CBLB: variants seen among roughly 807,000 people sequenced by gnomAD.
CBLB encodes the protein Cbl proto-oncogene B, also known as E3 ubiquitin-protein ligase CBL-B.
Under a neutral mutation model 104.9 loss-of-function variants are expected in CBLB, and 31 were observed. That is an observed-to-expected ratio of 0.30 (90% confidence interval 0.22 to 0.40). The LOEUF (loss-of-function observed/expected upper bound fraction) is 0.40. Ranked by LOEUF, CBLB falls within the 10% of genes least tolerant of loss-of-function variation. The pLI is 1.00. For missense variants in CBLB, 1,062 were observed against 1,214.6 expected, an observed-to-expected ratio of 0.87 and a Z score of 1.87; for synonymous variants, 440 against 422.6, an observed-to-expected ratio of 1.04 and a Z score of -0.51.
chr3:105,847,475 T>C lies in CBLB; in HGVS notation c.419+5939A>G, dbSNP rs370995985. Among the ~76,000 whole-genome samples the C allele has an allele frequency of 2.6e-4, 39 of 151,756 alleles. 1 individual carries two copies. In the East Asian group the frequency reaches 6.8e-3, roughly 26 times the overall value. ...TTCTACAACACTGGTTATTAAGGCATGATTCAAAGGCTCTGAAATGACATT... is the reference window on the plus strand; with the variant it reads ...TTCTACAACACTGGTTATTAAGGCACGATTCAAAGGCTCTGAAATGACATT... On this transcript the variant is annotated intron_variant, in intron 3 of 18. Coordinates refer to ENST00000394030, the MANE Select transcript of CBLB (RefSeq NM_170662.5).
rs567654023 is a variant in CBLB, at chr3:105,736,578, G to A, written c.1071+593C>T. On this transcript the variant is annotated intron_variant, in intron 8 of 18. Transcript: ENST00000394030. ...AGTTCTTAGTATTTTGTAATTTTTC[G>A]CTTTTACAAAAAATATTACAGTAAA... Among the ~76,000 whole-genome samples, 75 of 151,820 alleles carry A rather than the reference G, an allele frequency of 4.9e-4. 1 individual carries two copies. The South Asian group carries it at 0.014, about 27-fold the overall frequency.
At chr3:105,816,449 T>C (rs925504599) in intron 3 of CBLB, among the ~76,000 whole-genome samples, 3 of 152,200 alleles carry the variant, frequency 2.0e-5, no homozygotes, top group East Asian at 3.8e-4. Flanking sequence ...GCTTGATTTT[T>C]GCAATGTTAA....
chr3:105,715,873 T>C, intron 10 of CBLB, among the ~76,000 whole-genome samples: 1 of 152,074 alleles, frequency 6.6e-6, no homozygotes, highest in East Asian at 1.9e-4. Flanking sequence ...ACCCTGTCTC[T>C]ACTAAAAATA....
intron 3 of CBLB, among the ~76,000 whole-genome samples, chr3:105,805,830 CATTA>C (rs1205934573): frequency 6.6e-6 from 1 of 150,996 alleles, no homozygotes; most frequent in Non-Finnish European, 1.5e-5. Context: ...AGTAGTAGGA[CATTA>C]ATTCTTTTAT....
At chr3:105,796,030 G>T (rs1359454756) in intron 3 of CBLB, among the ~76,000 whole-genome samples, 1 of 151,900 alleles carries the variant, frequency 6.6e-6, no homozygotes, top group Non-Finnish European at 1.5e-5. Flanking sequence ...CCAACACCGT[G>T]ATTTTTTAAA....
intron 3 of CBLB, among the ~76,000 whole-genome samples, chr3:105,843,965 A>C: frequency 6.6e-6 from 1 of 152,206 alleles, no homozygotes; most frequent in Non-Finnish European, 1.5e-5. Flanking sequence ...CCTACCTGTC[A>C]ATATGACCTT....
chr3:105,774,336 T>C (rs1038894247), intron 4 of CBLB, among the ~76,000 whole-genome samples: 1 of 152,144 alleles, frequency 6.6e-6, no homozygotes, highest in African/African-American at 2.4e-5. Context: ...TGTCCATTCA[T>C]TCAATAAAAT....
chr3:105,827,254 C>A (rs1262251081), intron 3 of CBLB, among the ~76,000 whole-genome samples: 1 of 152,108 alleles, frequency 6.6e-6, no homozygotes, highest in Non-Finnish European at 1.5e-5. Context: ...AAGTAACCTT[C>A]TGGACTGAAA....
At chr3:105,718,898 C>CA (rs1425570105) in intron 10 of CBLB, among the ~76,000 whole-genome samples, 1 of 152,124 alleles carries the variant, frequency 6.6e-6, no homozygotes, top group African/African-American at 2.4e-5. Context: ...GCCTGATATC[C>CA]AAGAGTCTAC....
intron 18 of CBLB, among the ~76,000 whole-genome samples, chr3:105,669,104 C>CCATCCATG (rs1491330876): frequency 6.7e-6 from 1 of 150,156 alleles, no homozygotes; most frequent in South Asian, 2.1e-4. Context: ...ATCCATCCAT[C>CCATCCATG]CCCAACTATC....
chr3:105,853,888 G>C (rs921938732), intron 2 of CBLB, among the ~76,000 whole-genome samples: 1 of 151,574 alleles, frequency 6.6e-6, no homozygotes, highest in African/African-American at 2.4e-5. Flanking sequence ...TCCTTATTTT[G>C]AACCTCTAAA....
chr3:105,780,666 T>TG (rs1553789062), intron 3 of CBLB, among the ~76,000 whole-genome samples: 15 of 122,776 alleles, frequency 1.2e-4, no homozygotes, highest in African/African-American at 2.4e-4. Context: ...TTTTGTTTTT[T>TG]TTTTTTTTTT....
chr3:105,859,637 T>C (rs1407236300), intron 2 of CBLB, among the ~76,000 whole-genome samples: 1 of 125,546 alleles, frequency 8.0e-6, no homozygotes, highest in Non-Finnish European at 1.6e-5. Flanking sequence ...CACTCCAACC[T>C]GGGCCACAGA....
intron 3 of CBLB, among the ~76,000 whole-genome samples, chr3:105,815,538 CA>C (rs1007022319): frequency 1.3e-5 from 2 of 152,098 alleles, no homozygotes; most frequent in African/African-American, 4.8e-5. Context: ...ACTAAAAAGT[CA>C]GGAAAAAACA....
At chr3:105,784,167 T>G (rs560902321) in intron 3 of CBLB, among the ~76,000 whole-genome samples, 1 of 152,208 alleles carries the variant, frequency 6.6e-6, no homozygotes, top group Non-Finnish European at 1.5e-5. Flanking sequence ...TGAACTTCTT[T>G]TGATGAAACC....
rs1461075865 is a variant in CBLB at position 105,829,648 on chromosome 3, G to A, written c.419+23766C>T. Among the ~76,000 whole-genome samples, 10 of 102,978 alleles carry A rather than the reference G, an allele frequency of 9.7e-5. No homozygotes were observed. In the East Asian group the frequency reaches 1.0e-3, roughly 10 times the overall value. The allele number at this position is 102,978 out of a possible 152,430, so 67.6% of individuals were successfully genotyped here. On this transcript the variant is annotated intron_variant, in intron 3 of 18. Transcript: ENST00000394030. Reference sequence around the variant, plus strand: ...CATGCCACCACACCATAGCCAGAGCGACACAGCAAGACCGTCCCAAAAAAA... The same window carrying A: ...CATGCCACCACACCATAGCCAGAGCAACACAGCAAGACCGTCCCAAAAAAA...
rs886925443 is a variant in CBLB, at chr3:105,658,287, C to T, written c.*683G>A. On this transcript the variant is annotated 3_prime_UTR_variant, in exon 19 of 19. Transcript: ENST00000394030. ...CTCTATGTTATGTGAAAACCCCTTA[C>T]AAAAGGCAGTTTATTGACAAATAAA... The T allele has an allele frequency of 9.1e-6, 2 of 220,406 alleles. No homozygotes were observed. The highest frequency in any genetic ancestry group is 1.8e-5 in the Non-Finnish European group (2 of 109,826). The allele number at this position is 220,406 out of a possible 1,614,324, so 13.7% of individuals were successfully genotyped here.
intron 3 of CBLB, among the ~76,000 whole-genome samples, chr3:105,851,671 A>G (rs548963408): frequency 2.6e-5 from 4 of 152,342 alleles, no homozygotes; most frequent in African/African-American, 9.6e-5. Flanking sequence ...TAAACCTAAA[A>G]TGACTCTGAA....
At chr3:105,843,085 T>G (rs938436033) in intron 3 of CBLB, among the ~76,000 whole-genome samples, 3 of 152,234 alleles carry the variant, frequency 2.0e-5, no homozygotes, top group African/African-American at 7.2e-5. Flanking sequence ...TGTCTATGTC[T>G]GCTTTCCTAG....
Sources: gnomAD v4.1 joint callset for allele counts (sites outside exome capture counted in the v4.1 genomes callset) on GRCh38, gnomAD v4.1.1 for gene constraint, MANE v1.5 for transcripts, NCBI Gene and HGNC (gene_info 2026-07-23, HGNC 2026-07-21) for gene names.